Variants in NDST3 observed in about 807,000 individuals in gnomAD.
NDST3 encodes the protein bifunctional heparan sulfate N-deacetylase/N-sulfotransferase 3.
Under a neutral mutation model 96.1 loss-of-function variants are expected in NDST3, and 58 were observed. The observed-to-expected ratio is 0.60, with a 90% CI of 0.49 to 0.75. NDST3 has a LOEUF of 0.75. NDST3 is among the 30% of genes least tolerant of loss of function. NDST3 has a pLI of 0.00. For synonymous variants in NDST3, 333 were observed against 359.7 expected (o/e 0.93, Z 0.84); for missense variants, 788 against 1,034.2 (o/e 0.76, Z 3.27).
intron 11 of NDST3, among the ~76,000 whole-genome samples, chr4:118,241,785 C>T (rs527392145): frequency 1.3e-5 from 2 of 152,228 alleles, no homozygotes; most frequent in Non-Finnish European, 2.9e-5. Flanking sequence ...TTTCTAAGCT[C>T]TCTTGGTCTT....
intron 3 of NDST3, among the ~76,000 whole-genome samples, chr4:118,111,501 T>C (rs576689251): frequency 9.3e-5 from 14 of 151,286 alleles, no homozygotes; most frequent in South Asian, 4.2e-4. Flanking sequence ...AATTAACCCA[T>C]AGTTAATTAC....
intron 3 of NDST3, among the ~76,000 whole-genome samples, chr4:118,106,782 A>G (rs988207912): frequency 4.0e-5 from 6 of 151,720 alleles, no homozygotes; most frequent in African/African-American, 1.5e-4. Context: ...CAGAGCAAGA[A>G]TCTGTCTCTT....
chr4:118,051,598 T>C (rs1725081491), intron 1 of NDST3, among the ~76,000 whole-genome samples: 1 of 151,954 alleles, frequency 6.6e-6, no homozygotes, highest in Non-Finnish European at 1.5e-5. Flanking sequence ...GCAAAGGACA[T>C]GAGCAGATGT....
chr4:118,077,703 A>C (rs1029295735), intron 2 of NDST3, among the ~76,000 whole-genome samples: 3 of 152,184 alleles, frequency 2.0e-5, no homozygotes, highest in Admixed American at 6.5e-5. Flanking sequence ...TCAGTGATCC[A>C]AGAGTGAGGG....
At position 118,173,463 on chromosome 4, in the gene NDST3, C is replaced by T. The variant is rs573257087; in HGVS notation, c.1539+29779C>T. Reference sequence around the variant, plus strand: ...GATGTAGTATACACAAACATTAGAACATGACAGAAAGAAGAGAAGGAATGC... The same window carrying T: ...GATGTAGTATACACAAACATTAGAATATGACAGAAAGAAGAGAAGGAATGC... On this transcript the variant is annotated intron_variant, in intron 6 of 13. Transcript: ENST00000296499. Among the ~76,000 whole-genome samples the T allele has an allele frequency of 1.1e-4, 17 of 152,044 alleles. 1 individual carries two copies. In the South Asian group the frequency reaches 3.5e-3, roughly 32 times the overall value.
Position 118,105,001 on chromosome 4 carries a change from T to C in NDST3, c.982-17T>C, listed in dbSNP as rs371721469. The stretch of plus-strand genomic sequence containing the variant: ...GCCATTCTTTACCTGATACATTTTT[T>C]AAATTATGTATTTCAGGCCCTGCTT... On this transcript the variant is annotated splice_polypyrimidine_tract_variant and intron_variant, in intron 2 of 13. Coordinates refer to ENST00000296499, the MANE Select transcript of NDST3 (RefSeq NM_004784.3). 6.2e-7 allele frequency: 1 copy of C among 1,606,188 alleles called. No homozygotes were observed. Among genetic ancestry groups the C allele is most frequent in the Admixed American group, 1.7e-5 (1 of 59,414 alleles).
At chr4:118,097,015 CTACT>C (rs1729372729) in intron 2 of NDST3, among the ~76,000 whole-genome samples, 1 of 151,930 alleles carries the variant, frequency 6.6e-6, no homozygotes, top group Non-Finnish European at 1.5e-5. Flanking sequence ...TCTTTTTGTT[CTACT>C]TAAGACTTCA....
chr4:118,065,291 G>A (rs1726218934), intron 2 of NDST3, among the ~76,000 whole-genome samples: 1 of 152,056 alleles, frequency 6.6e-6, no homozygotes, highest in Non-Finnish European at 1.5e-5. Context: ...AAATCTTGAT[G>A]GCATATACAT....
At chr4:118,064,534 A>T (rs1404620179) in intron 2 of NDST3, among the ~76,000 whole-genome samples, 1 of 152,086 alleles carries the variant, frequency 6.6e-6, no homozygotes, top group Non-Finnish European at 1.5e-5. Flanking sequence ...AGATAAACTG[A>T]AATTTTTAAA....
chr4:118,224,481 C>T lies in NDST3; in HGVS notation c.1540-10C>T, dbSNP rs147570094. The T allele has an allele frequency of 2.0e-4, 316 of 1,591,756 alleles. No individual in the cohort carries two copies. The African/African-American group carries it at 4.0e-3, about 20-fold the overall frequency. ...TGTTATTTACACTGAAGTTCATTTGCTTTTTTCAGATCAGCATTTTCATGA... is the reference window on the plus strand; with the variant it reads ...TGTTATTTACACTGAAGTTCATTTGTTTTTTTCAGATCAGCATTTTCATGA... On this transcript the variant is annotated splice_polypyrimidine_tract_variant and intron_variant, in intron 6 of 13. Coordinates refer to ENST00000296499, the MANE Select transcript of NDST3 (RefSeq NM_004784.3).
rs144689350 is a variant in NDST3 at position 118,110,246 on chromosome 4, T to C, written c.1070-4560T>C. Among the ~76,000 whole-genome samples, 842 of 152,316 alleles carry C rather than the reference T, an allele frequency of 5.5e-3. 5 individuals carry two copies. The highest frequency in any genetic ancestry group is 7.4e-3 in the Non-Finnish European group (506 of 68,026). ...ATTATATTATAGAATAAATTAACAA[T>C]GAGAAGAGCAATGTTATATTGAATG... On this transcript the variant is annotated intron_variant, in intron 3 of 13. Coordinates refer to ENST00000296499, the MANE Select transcript of NDST3 (RefSeq NM_004784.3).
chr4:118,066,156 ATATTATATATTATATT>A (rs1726338897), intron 2 of NDST3, among the ~76,000 whole-genome samples: 15 of 37,628 alleles, frequency 4.0e-4, no homozygotes, highest in Admixed American at 3.5e-3. Context: ...TATATTATAT[ATATTATATATTATATT>A]TTATATATTA....
At chr4:118,137,111 C>T (rs545143226) in intron 4 of NDST3, among the ~76,000 whole-genome samples, 1 of 152,250 alleles carries the variant, frequency 6.6e-6, no homozygotes, top group South Asian at 2.1e-4. Flanking sequence ...CATTTAGCAG[C>T]CTGATACTAT....
chr4:118,090,391 G>T (rs879601291), intron 2 of NDST3, among the ~76,000 whole-genome samples: 9 of 151,942 alleles, frequency 5.9e-5, no homozygotes, highest in Non-Finnish European at 1.3e-4. Flanking sequence ...AACTGGAATG[G>T]ATTGCCCCAT....
At chr4:118,106,467 T>G (rs1730189983) in intron 3 of NDST3, among the ~76,000 whole-genome samples, 1 of 152,076 alleles carries the variant, frequency 6.6e-6, no homozygotes, top group South Asian at 2.1e-4. Flanking sequence ...CACCTCAGCC[T>G]TTTGAGTAGC....
chr4:118,111,209 G>T (rs977687875), intron 3 of NDST3, among the ~76,000 whole-genome samples: 1 of 152,154 alleles, frequency 6.6e-6, no homozygotes, highest in Admixed American at 6.5e-5. Context: ...ACTACCTGTT[G>T]TGTACTATGC....
intron 2 of NDST3, among the ~76,000 whole-genome samples, chr4:118,064,475 T>C (rs993159402): frequency 6.6e-6 from 1 of 152,086 alleles, no homozygotes; most frequent in Non-Finnish European, 1.5e-5. Context: ...TTGACATCAT[T>C]TATAAACTGT....
At chr4:118,099,221 C>A (rs368085931) in intron 2 of NDST3, among the ~76,000 whole-genome samples, 2 of 152,040 alleles carry the variant, frequency 1.3e-5, no homozygotes, top group South Asian at 4.2e-4. Flanking sequence ...GAGCCAGAGT[C>A]CTAAGTCACT....
At position 118,114,962 on chromosome 4, in the gene NDST3, T is replaced by A; in HGVS notation, c.1224+2T>A. 6.2e-7 allele frequency: 1 copy of A among 1,613,972 alleles called. No individual in the cohort carries two copies. The highest frequency in any genetic ancestry group is 8.5e-7 in the Non-Finnish European group (1 of 1,179,842). On this transcript the variant is annotated splice_donor_variant, in intron 4 of 13. Transcript: ENST00000296499. LOFTEE classifies it high-confidence loss of function. ...ATTCTCAACAAAAAATTTGCCTTAG[T>A]AAGTAACTCACTTTGTTGCATTGAA...
Sources: gnomAD v4.1 joint callset for allele counts (sites outside exome capture counted in the v4.1 genomes callset) on GRCh38, gnomAD v4.1.1 for gene constraint, MANE v1.5 for transcripts, NCBI Gene and HGNC (gene_info 2026-07-23, HGNC 2026-07-21) for gene names.